The following FCRL5 variants were observed in gnomAD, a reference collection of about 807,000 sequenced individuals.
The protein encoded by FCRL5 is Fc receptor-like protein 5.
In FCRL5, 79 loss-of-function variants were observed where a neutral mutation model predicts 92.1. The observed-to-expected ratio is 0.86, with a 90% confidence interval of 0.72 to 1.03. FCRL5 has a LOEUF of 1.03. FCRL5 is among the 50% of genes least tolerant of loss of function. The pLI is 0.00. For missense variants in FCRL5, 1,160 were observed against 1,181.1 expected, an observed-to-expected ratio of 0.98 and a Z score of 0.26; for synonymous variants, 466 against 469.3, an observed-to-expected ratio of 0.99 and a Z score of 0.09.
chr1:157,518,779 G>A lies in FCRL5; in HGVS notation c.2664C>T (p.Ser888=). 1.2e-6 allele frequency: 2 copies of A among 1,610,824 alleles called. No individual in the cohort carries two copies. The highest frequency in any genetic ancestry group is 1.7e-6 in the Non-Finnish European group (2 of 1,178,272). The part of the protein sequence containing the change: ...GRKPASDPAR[S]PSDSDSQEPT... ...GCTCTTGGGAGTCCGAGTCTGAAGG[G>A]CTCCTGTGAGACAGAGAAATGTGAA... The change falls in exon 14 of 17, where the codon AGC becomes AGT. Residue 888 remains serine, a synonymous_variant. Coordinates refer to ENST00000361835, the MANE Select transcript of FCRL5 (RefSeq NM_031281.3).
chr1:157,530,088 T>C (rs955156828), intron 8 of FCRL5, among the ~76,000 whole-genome samples: 1 of 152,222 alleles, frequency 6.6e-6, no homozygotes, highest in African/African-American at 2.4e-5. Context: ...TGTTGAGTAT[T>C]TGGTGACACT....
chr1:157,548,124 G>A lies in FCRL5; in HGVS notation c.53-927C>T, dbSNP rs370424254. 1.2e-4 allele frequency among the ~76,000 whole-genome samples: 19 copies of A among 152,328 alleles called. No individual in the cohort carries two copies. The East Asian group carries it at 3.1e-3, about 25-fold the overall frequency. ...TGAAGATGTCCTGCCTGGCTAAATG[G>A]GGTCTGTTGGCAATAATAGTAAATG... On this transcript the variant is annotated intron_variant, in intron 2 of 16. Coordinates refer to ENST00000361835, the MANE Select transcript of FCRL5 (RefSeq NM_031281.3).
At chr1:157,543,816 C>T (rs912908979) in intron 5 of FCRL5, among the ~76,000 whole-genome samples, 6 of 152,168 alleles carry the variant, frequency 3.9e-5, no homozygotes, top group African/African-American at 1.4e-4. Flanking sequence ...TCCAGAGTCA[C>T]ATATTTGGAG....
At chr1:157,545,268 ATG>A (rs1651478236) in intron 3 of FCRL5, among the ~76,000 whole-genome samples, 186 bp from the exon 4 acceptor site, 1 of 152,246 alleles carries the variant, frequency 6.6e-6, no homozygotes, top group Admixed American at 6.5e-5. Flanking sequence ...AAAAGCAGAA[ATG>A]TAGGTAAAAT....
In FCRL5 at chr1:157,545,013, T is replaced by C. The variant is rs1651462033; in HGVS notation, c.377A>G (p.Lys126Arg). Residue 126 changes from lysine (K) to arginine (R), a missense_variant, in exon 4 of 17, where the codon AAG becomes AGG. Physicochemically the swap from Lys to Arg is conservative, Grantham distance 26. Transcript: ENST00000361835. ...GDSVVLRCRA[K>R]AEVTLNNTIY... Reference sequence around the variant, plus strand: ...AGTATTATTCAGTGTTACTTCCGCCTTTGCCCGGCACCTCAGAACCACAGA... The same window carrying C: ...AGTATTATTCAGTGTTACTTCCGCCCTTGCCCGGCACCTCAGAACCACAGA... 1 of 1,613,578 alleles carries C rather than the reference T, an allele frequency of 6.2e-7. No individual in the cohort carries two copies. The highest frequency in any genetic ancestry group is 1.7e-5 in the Admixed American group (1 of 59,996).
At chr1:157,516,240 A>G (rs1125968) in intron 15 of FCRL5, among the ~76,000 whole-genome samples, 91,883 of 152,182 alleles carry the variant, frequency 0.6, 29,052 homozygotes, top group East Asian at 0.82. Flanking sequence ...CAGGGTCTAG[A>G]CCACCTGAAA....
At position 157,514,816 on chromosome 1, in the gene FCRL5, G is replaced by A. The variant is rs770053858; in HGVS notation, c.*859C>T. 7.2e-5 allele frequency: 11 copies of A among 152,146 alleles called. No homozygotes were observed. The highest frequency in any genetic ancestry group is 1.5e-4 in the Non-Finnish European group (10 of 68,018). The allele number at this position is 152,146 out of a possible 1,614,324, so 9.4% of individuals were successfully genotyped here. On this transcript the variant is annotated 3_prime_UTR_variant, in exon 17 of 17. Coordinates refer to ENST00000361835, the MANE Select transcript of FCRL5 (RefSeq NM_031281.3). ...TCTTAGGGAAGCCAGAATACCTCCC[G>A]GATTTCCTAGGGAGTGCACTGGATT...
chr1:157,516,014 C>T (rs1280794247), intron 15 of FCRL5, 141 bp from the exon 16 acceptor site: 2 of 872,844 alleles, frequency 2.3e-6, no homozygotes, highest in Non-Finnish European at 3.7e-6. Context: ...TTAGTTGGTG[C>T]TCACCCAGTC....
intron 8 of FCRL5, among the ~76,000 whole-genome samples, chr1:157,530,172 G>A (rs868349935): frequency 2.0e-5 from 3 of 151,976 alleles, no homozygotes; most frequent in Non-Finnish European, 4.4e-5. Context: ...CACGTGCATG[G>A]GATCACAATA....
chr1:157,520,618 C>A, intron 11 of FCRL5, 71 bp from the exon 12 acceptor site: 1 of 1,192,590 alleles, frequency 8.4e-7, no homozygotes, highest in Non-Finnish European at 1.2e-6. Flanking sequence ...CCGGAAGCTG[C>A]TGCCTGGGCC....
chr1:157,546,080 C>G (rs1200512917), intron 3 of FCRL5: 36 of 235,688 alleles, frequency 1.5e-4, no homozygotes, highest in Non-Finnish European at 2.8e-4. Flanking sequence ...ATTTATCTAC[C>G]TATGCATTAT....
intron 6 of FCRL5, 58 bp from the exon 7 acceptor site, chr1:157,539,422 A>T: frequency 6.7e-7 from 1 of 1,487,996 alleles, no homozygotes; most frequent in Non-Finnish European, 9.0e-7. Context: ...TAGTTTTCAT[A>T]AAAGGAAAAT....
intron 15 of FCRL5, 35 bp from the exon 16 acceptor site, chr1:157,515,908 C>A (rs775322735): frequency 6.8e-5 from 110 of 1,611,732 alleles, no homozygotes; most frequent in Non-Finnish European, 1.3e-5. Flanking sequence ...TTGTGGAAGA[C>A]TGGCATGGGG....
intron 9 of FCRL5, 38 bp downstream of exon 9, chr1:157,527,579 G>C: frequency 6.5e-7 from 1 of 1,534,934 alleles, no homozygotes; most frequent in African/African-American, 1.4e-5. Context: ...AGGGGAGATG[G>C]TCTTTTTATT....
chr1:157,550,228 A>G (rs571910958), intron 1 of FCRL5, among the ~76,000 whole-genome samples: 1 of 152,306 alleles, frequency 6.6e-6, no homozygotes, highest in East Asian at 1.9e-4. Flanking sequence ...TAATTTTATT[A>G]TAAAAGTGAT....
At position 157,534,889 on chromosome 1, in the gene FCRL5, G is replaced by A. The variant is rs747445906; in HGVS notation, c.1406C>T (p.Pro469Leu). The change falls in exon 8 of 17, where the codon CCT (proline) becomes CTT (leucine). Residue 469 changes from proline to leucine, a missense_variant. Pro to Leu is a moderately conservative substitution (Grantham distance 98). Coordinates refer to ENST00000361835, the MANE Select transcript of FCRL5 (RefSeq NM_031281.3). ...GAGGGTGAGGACAGGATGAGACACA[G>A]GGACTGAGGAAGAGAAAGATTGAAT... The part of the protein sequence containing the change: ...SKAVSLSVTV[P>L]VSHPVLTLSS... The A allele has an allele frequency of 3.9e-6, 6 of 1,525,918 alleles. No individual in the cohort carries two copies. In the African/African-American group the frequency reaches 7.0e-5, roughly 18 times the overall value. 94.5% of individuals were successfully genotyped at this position (1,525,918 alleles called of 1,614,324 possible).
At chr1:157,518,346 C>A in intron 15 of FCRL5, 83 bp downstream of exon 15, 1 of 1,244,586 alleles carries the variant, frequency 8.0e-7, no homozygotes, top group Non-Finnish European at 1.2e-6. Context: ...GCCTGTCTGG[C>A]TCAGATCTGC....
At chr1:157,549,960 AGTGT>A (rs1041644844) in intron 1 of FCRL5, among the ~76,000 whole-genome samples, 2 of 151,856 alleles carry the variant, frequency 1.3e-5, no homozygotes, top group African/African-American at 4.8e-5. Flanking sequence ...GTGTGTGTAG[AGTGT>A]GTGTTTGTGT....
intron 9 of FCRL5, 79 bp from the exon 10 acceptor site, chr1:157,524,636 G>A: frequency 6.9e-7 from 1 of 1,450,716 alleles, no homozygotes; most frequent in Non-Finnish European, 9.3e-7. Flanking sequence ...TCAAATGGAA[G>A]AATGTTTTTC....
Sources: gnomAD v4.1 joint callset for allele counts (sites outside exome capture counted in the v4.1 genomes callset) on GRCh38, gnomAD v4.1.1 for gene constraint, MANE v1.5 for transcripts, NCBI Gene and HGNC (gene_info 2026-07-23, HGNC 2026-07-21) for gene names.